Variants in MAP4 observed in about 807,000 individuals in gnomAD.
MAP4 encodes microtubule-associated protein 4.
A neutral mutation model predicts 170.2 loss-of-function variants in MAP4; 76 were observed. The ratio of observed to expected loss-of-function variants is 0.45; its 90% CI spans 0.37 to 0.54. MAP4 has a LOEUF of 0.54. Ranked by LOEUF, MAP4 falls within the 20% of genes least tolerant of loss-of-function variation. MAP4 has a pLI of 0.00. For missense variants in MAP4, 2,506 were observed against 2,748.0 expected (o/e 0.91, Z 1.97); for synonymous variants, 909 against 994.5 (o/e 0.91, Z 1.62).
chr3:47,930,752 C>A (rs2100049289), intron 3 of MAP4, among the ~76,000 whole-genome samples: 1 of 151,446 alleles, frequency 6.6e-6, no homozygotes, highest in South Asian at 2.1e-4. Flanking sequence ...CACAGTGAAA[C>A]CCTGTCTACT....
chr3:47,977,261 T>C (rs1435972931), intron 3 of MAP4, among the ~76,000 whole-genome samples: 1 of 152,152 alleles, frequency 6.6e-6, no homozygotes, highest in Non-Finnish European at 1.5e-5. Context: ...CTTTGAGAAT[T>C]TTGCTCACTA....
intron 2 of MAP4, among the ~76,000 whole-genome samples, chr3:47,987,817 A>G (rs1458067631): frequency 6.6e-6 from 1 of 152,128 alleles, no homozygotes; most frequent in African/African-American, 2.4e-5. Flanking sequence ...TTTTGGGGTC[A>G]TGCATATGTT....
In MAP4 at chr3:48,071,413, T is replaced by G. The variant is rs547222151; in HGVS notation, c.-20+17360A>C. On this transcript the variant is annotated intron_variant, in intron 1 of 18. Coordinates refer to the MAP4 transcript ENST00000360240. ...ACCAAAAAAAATCAGCCAGGTGTGG[T>G]GGCACACGCCTGCAGTCCCAGATAC... 4.6e-5 allele frequency among the ~76,000 whole-genome samples: 7 copies of G among 151,878 alleles called. No homozygotes were observed. In the East Asian group the frequency reaches 9.7e-4, roughly 21 times the overall value.
intron 2 of MAP4, among the ~76,000 whole-genome samples, chr3:47,978,929 T>C (rs1282318880): frequency 5.9e-5 from 9 of 152,094 alleles, no homozygotes; most frequent in Non-Finnish European, 1.2e-4. Context: ...TGAAAATTCT[T>C]TATGTATTCC....
chr3:48,020,327 T>C (rs777047975), upstream of MAP4, among the ~76,000 whole-genome samples: 2 of 152,254 alleles, frequency 1.3e-5, no homozygotes, highest in Non-Finnish European at 2.9e-5. Flanking sequence ...AGGCTCTCAT[T>C]AAATGCACAT....
chr3:47,916,981 G>A lies in MAP4; in HGVS notation c.846C>T (p.Thr282=). ...VALAKDMESP[T]KLDVTLAKDM... is the part of the protein sequence containing the mutation. ...CCTTGGCCAGTGTCACATCTAATTT[G>A]GTGGGTGATTCCATATCTTTAGCCA... is the stretch of plus-strand genomic sequence containing the variant. Residue 282 remains threonine, a synonymous_variant, in exon 7 of 21, where the codon ACC becomes ACT. Transcript: ENST00000683076. 1.2e-6 allele frequency: 2 copies of A among 1,614,098 alleles called. No individual in the cohort carries two copies. Among genetic ancestry groups the A allele is most frequent in the Non-Finnish European group, 1.7e-6 (2 of 1,180,012 alleles).
chr3:48,061,365 G>T (rs1267192187), intron 1 of MAP4, among the ~76,000 whole-genome samples: 1 of 152,102 alleles, frequency 6.6e-6, no homozygotes, highest in African/African-American at 2.4e-5. Context: ...ACCGGTTTTC[G>T]TATTTTTTTG....
At chr3:48,011,645 C>T (rs140750057) in intron 1 of MAP4, among the ~76,000 whole-genome samples, 54 of 152,038 alleles carry the variant, frequency 3.6e-4, no homozygotes, top group African/African-American at 1.2e-3. Flanking sequence ...ATTCTATGCT[C>T]GTCCAGCCTA....
intron 1 of MAP4, among the ~76,000 whole-genome samples, chr3:48,044,796 A>T (rs1579511203): frequency 6.6e-6 from 1 of 151,912 alleles, no homozygotes; most frequent in East Asian, 1.9e-4. Context: ...AAATAAAATA[A>T]ATATTACCCA....
At chr3:47,901,252 A>T (rs1393582110) in intron 10 of MAP4, among the ~76,000 whole-genome samples, 5 of 152,118 alleles carry the variant, frequency 3.3e-5, no homozygotes, top group African/African-American at 9.7e-5. Context: ...CTAGAGGAAA[A>T]CTGTCTGTTT....
chr3:47,985,631 T>C (rs1256886845), intron 2 of MAP4, among the ~76,000 whole-genome samples: 2 of 152,100 alleles, frequency 1.3e-5, no homozygotes, highest in Non-Finnish European at 2.9e-5. Context: ...TGAATCTAAT[T>C]ATGAGGAAAT....
At chr3:47,872,298 C>T (rs2093619761) in intron 12 of MAP4, among the ~76,000 whole-genome samples, 198 bp from the exon 13 acceptor site, 1 of 152,222 alleles carries the variant, frequency 6.6e-6, no homozygotes, top group Non-Finnish European at 1.5e-5. Context: ...ATTCTCCTGA[C>T]TCAGCCTCCA....
chr3:47,854,441 GATGGAAGGGAAGGCCCAGGGC>G (rs1202572633), intron 19 of MAP4, among the ~76,000 whole-genome samples: 1 of 152,220 alleles, frequency 6.6e-6, no homozygotes, highest in African/African-American at 2.4e-5. Flanking sequence ...GGGGAGCAGA[GATGGAAGGGAAGGCCCAGGGC>G]AGCGGCTCCT....
intron 2 of MAP4, among the ~76,000 whole-genome samples, chr3:47,990,052 T>A (rs1156741642): frequency 6.6e-6 from 1 of 152,176 alleles, no homozygotes; most frequent in Non-Finnish European, 1.5e-5. Context: ...TGAGAAGGCA[T>A]GTGTGCTGTG....
At chr3:47,962,930 C>T (rs2154180323) in intron 3 of MAP4, among the ~76,000 whole-genome samples, 1 of 152,288 alleles carries the variant, frequency 6.6e-6, no homozygotes, top group Middle Eastern at 3.4e-3. Flanking sequence ...AATGTTAATA[C>T]TTAAGTTTAC....
At chr3:48,058,058 AACAT>A (rs2100133214) in intron 1 of MAP4, among the ~76,000 whole-genome samples, 4 of 152,242 alleles carry the variant, frequency 2.6e-5, no homozygotes, top group Admixed American at 2.0e-4. Flanking sequence ...AATTAGATTG[AACAT>A]ACAATCAGCA....
intron 3 of MAP4, chr3:47,975,448 G>A: frequency 6.4e-7 from 1 of 1,569,274 alleles, no homozygotes; most frequent in South Asian, 1.2e-5. Context: ...CCCCAGTGTT[G>A]AGAGACACGC....
At position 47,875,818 on chromosome 3, in the gene MAP4, G is replaced by A; in HGVS notation, c.5624C>T (p.Pro1875Leu). 1 of 1,613,956 alleles carries A rather than the reference G, an allele frequency of 6.2e-7. No individual in the cohort carries two copies. ...TTTATTCAACCCACCAATGGTGGTG[G>A]GAGCTGGCTGCTTAGGGAGAGAAGT... ...QPTSLPKQPAPTTIGGLNKKP... is the reference protein window; with the variant it reads ...QPTSLPKQPALTTIGGLNKKP... The change falls in exon 12 of 21, where the codon CCC (proline) becomes CTC (leucine). Residue 1875 changes from proline to leucine, a missense_variant. This residue lies in a region of MAP4 where 11 missense variants were observed against 30.4 expected (regional missense o/e 0.36). Coordinates refer to ENST00000683076, the MANE Select transcript of MAP4 (RefSeq NM_001385682.1).
At chr3:48,026,263 C>T in intron 1 of MAP4, among the ~76,000 whole-genome samples, 1 of 152,144 alleles carries the variant, frequency 6.6e-6, no homozygotes, top group East Asian at 1.9e-4. Context: ...CCTTGTCAGG[C>T]TCACAGAGGC....
Sources: allele counts gnomAD v4.1 joint callset (sites outside exome capture counted in the v4.1 genomes callset), GRCh38; gene constraint gnomAD v4.1.1; regional missense constraint gnomAD v4.1.1; transcripts MANE v1.5; gene names NCBI Gene and HGNC (gene_info 2026-07-23, HGNC 2026-07-21).